The following COL26A1 variants were observed in gnomAD, a reference collection of about 807,000 sequenced individuals.
The protein encoded by COL26A1 is collagen type XXVI alpha 1 chain, also known as collagen alpha-1(XXVI) chain.
COL26A1 carries 41 observed loss-of-function variants against 59.3 expected under a neutral mutation model. That is an observed-to-expected ratio of 0.69 (90% confidence interval 0.54 to 0.90). The LOEUF is 0.90. Among genes scored for constraint, COL26A1 ranks in the 40% least tolerant of loss-of-function variants. The probability of loss-of-function intolerance (pLI) is 0.00; values close to 1 mark genes in which losing one functional copy is unlikely to be tolerated. For synonymous variants in COL26A1, 266 were observed against 256.0 expected, an observed-to-expected ratio of 1.04 and a Z score of -0.37; for missense variants, 612 against 602.3, an observed-to-expected ratio of 1.02 and a Z score of -0.17.
At chr7:101,440,560 G>T (rs58559992) in intron 2 of COL26A1, among the ~76,000 whole-genome samples, 2 of 152,052 alleles carry the variant, frequency 1.3e-5, no homozygotes, top group African/African-American at 4.8e-5. Context: ...AGTCTTGGCC[G>T]GTTGGGATGG....
At chr7:101,422,756 C>T (rs1277212390) in intron 2 of COL26A1, among the ~76,000 whole-genome samples, 2 of 152,054 alleles carry the variant, frequency 1.3e-5, no homozygotes, top group Non-Finnish European at 2.9e-5. Context: ...GATCCTCCTG[C>T]GCCAGCCTGA....
chr7:101,456,344 T>A (rs981486144), intron 3 of COL26A1, among the ~76,000 whole-genome samples: 3 of 151,632 alleles, frequency 2.0e-5, no homozygotes, highest in African/African-American at 7.3e-5. Context: ...CCCAAGGAGC[T>A]GGGACTACAG....
chr7:101,408,954 C>T (rs1278225232), intron 1 of COL26A1, among the ~76,000 whole-genome samples: 3 of 152,230 alleles, frequency 2.0e-5, no homozygotes, highest in African/African-American at 7.2e-5. Flanking sequence ...TGCCAAGACC[C>T]AGATCGTCTG....
At chr7:101,489,886 CTT>C (rs1180054486) in intron 3 of COL26A1, among the ~76,000 whole-genome samples, 1 of 74,546 alleles carries the variant, frequency 1.3e-5, no homozygotes. Flanking sequence ...TTCTTTCTTT[CTT>C]TCTTTCTTTC....
chr7:101,366,932 C>T (rs989326701), intron 1 of COL26A1, among the ~76,000 whole-genome samples: 3 of 152,138 alleles, frequency 2.0e-5, no homozygotes, highest in Admixed American at 6.6e-5. Flanking sequence ...TTTTCCTCCA[C>T]GCTGTTGACT....
chr7:101,538,232 G>A (rs1222597909), intron 4 of COL26A1, among the ~76,000 whole-genome samples: 1 of 152,200 alleles, frequency 6.6e-6, no homozygotes, highest in Non-Finnish European at 1.5e-5. Flanking sequence ...AGTGGCTGGG[G>A]CAGGAATCGG....
At chr7:101,441,087 AG>A (rs1291652576) in intron 2 of COL26A1, among the ~76,000 whole-genome samples, 6 of 151,134 alleles carry the variant, frequency 4.0e-5, no homozygotes, top group Admixed American at 1.3e-4. Context: ...TGTAGATGAG[AG>A]GGAAAACCTT....
intron 8 of COL26A1, among the ~76,000 whole-genome samples, chr7:101,548,682 C>T (rs62465110): frequency 0.15 from 22,657 of 151,168 alleles, 2,068 homozygotes; most frequent in Middle Eastern, 0.24. Context: ...GGGAAGGGGC[C>T]GGGCTGAGGA....
chr7:101,553,685 T>C (rs13222730), intron 11 of COL26A1, among the ~76,000 whole-genome samples: 72,860 of 151,926 alleles, frequency 0.48, 18,048 homozygotes, highest in Middle Eastern at 0.54. Flanking sequence ...ACAGTCTCCC[T>C]GGAGGAGGCG....
chr7:101,438,432 G>A (rs892861896), intron 2 of COL26A1, among the ~76,000 whole-genome samples: 2 of 151,532 alleles, frequency 1.3e-5, no homozygotes, highest in Admixed American at 6.6e-5. Context: ...AGGGAGGGAG[G>A]CAGATGGGGT....
chr7:101,385,865 C>T (rs973278092), intron 1 of COL26A1, among the ~76,000 whole-genome samples: 4 of 151,920 alleles, frequency 2.6e-5, no homozygotes, highest in African/African-American at 7.2e-5. Context: ...CCACCACGCC[C>T]GGCTAATTTT....
chr7:101,383,285 A>G (rs927259063), intron 1 of COL26A1, among the ~76,000 whole-genome samples: 10 of 134,684 alleles, frequency 7.4e-5, no homozygotes, highest in African/African-American at 3.4e-4. Context: ...TCAAAAAATT[A>G]TTTTAATTTT....
chr7:101,425,770 G>C (rs1038379892), intron 2 of COL26A1, among the ~76,000 whole-genome samples: 2 of 150,940 alleles, frequency 1.3e-5, no homozygotes, highest in African/African-American at 4.9e-5. Context: ...GCCTCCCAAA[G>C]TGCTGGGATT....
At chr7:101,382,852 G>T (rs552750351) in intron 1 of COL26A1, among the ~76,000 whole-genome samples, 1 of 152,142 alleles carries the variant, frequency 6.6e-6, no homozygotes, top group Admixed American at 6.6e-5. Flanking sequence ...TTGAGACCAG[G>T]CTGGCCAACG....
intron 2 of COL26A1, among the ~76,000 whole-genome samples, chr7:101,432,973 AT>A (rs1224829100): frequency 6.6e-6 from 1 of 152,144 alleles, no homozygotes. Flanking sequence ...AAGTGCTGGG[AT>A]TACAGGCGTA....
At chr7:101,366,446 C>T (rs1791047710) in intron 1 of COL26A1, among the ~76,000 whole-genome samples, 1 of 119,048 alleles carries the variant, frequency 8.4e-6, no homozygotes, top group Non-Finnish European at 1.9e-5. Context: ...GCTTTAATTT[C>T]ATTGTTACTG....
chr7:101,506,798 T>C (rs539200585), intron 3 of COL26A1, among the ~76,000 whole-genome samples: 3 of 152,206 alleles, frequency 2.0e-5, no homozygotes, highest in African/African-American at 7.2e-5. Context: ...TTGCATGGAT[T>C]GGTCACAAGC....
intron 4 of COL26A1, among the ~76,000 whole-genome samples, chr7:101,538,417 C>T (rs943525981): frequency 9.2e-5 from 14 of 152,248 alleles, no homozygotes; most frequent in Non-Finnish European, 2.1e-4. Flanking sequence ...GGGGCCCCGG[C>T]CTCACCGCCC....
rs888449302 is a variant in COL26A1 at position 101,494,236 on chromosome 7, C to T, written c.386-38846C>T. On this transcript the variant is annotated intron_variant, in intron 3 of 12. Transcript: ENST00000313669. ...CCGCTGTCTGGCTTCAAGCAATTCT[C>T]CTTCCTCAGCCTCCCGAGTAGCTGG... Among the ~76,000 whole-genome samples, 11 of 151,628 alleles carry T rather than the reference C, an allele frequency of 7.3e-5. No individual in the cohort carries two copies. The East Asian group carries it at 1.8e-3, about 24-fold the overall frequency.
Sources: allele counts gnomAD v4.1 joint callset (sites outside exome capture counted in the v4.1 genomes callset), GRCh38; gene constraint gnomAD v4.1.1; transcripts MANE v1.5; gene names NCBI Gene and HGNC (gene_info 2026-07-23, HGNC 2026-07-21).